Variants in MROH2B observed in about 807,000 individuals in gnomAD.
MROH2B encodes the protein maestro heat-like repeat-containing protein family member 2B.
Under a neutral mutation model 208.6 loss-of-function variants are expected in MROH2B, and 177 were observed. The ratio of observed to expected loss-of-function variants is 0.85; its 90% CI spans 0.75 to 0.96. The LOEUF (loss-of-function observed/expected upper bound fraction) is 0.96. MROH2B is among the 40% of genes least tolerant of loss of function. The pLI is 0.00. For missense variants in MROH2B, 2,002 were observed against 1,878.7 expected (o/e 1.07, Z -1.21); for synonymous variants, 728 against 659.0 (o/e 1.10, Z -1.60).
intron 19 of MROH2B, among the ~76,000 whole-genome samples, chr5:41,039,861 A>G (rs768620324): frequency 2.0e-5 from 3 of 152,232 alleles, no homozygotes; most frequent in Non-Finnish European, 2.9e-5. Context: ...GGAAGTTTGC[A>G]TTATTAAAAT....
At position 41,055,817 on chromosome 5, in the gene MROH2B, C is replaced by A; in HGVS notation, c.958G>T (p.Glu320Ter). Residue 320 changes from glutamate (E) to a stop codon, truncating the protein, a stop_gained, in exon 10 of 42, where the codon GAA (glutamate) becomes TAA (stop). Coordinates refer to ENST00000399564, the MANE Select transcript of MROH2B (RefSeq NM_173489.5). LOFTEE classifies it high-confidence loss of function. ...GCTTCATTATTACTTCTTACTTGTT[C>A]ATCAAAAAATTCCATCAGCTCTCCA... ...NPGELMEFFD[E>*]QVRSNNEAIR... is the part of the protein sequence containing the mutation. 2 of 1,613,792 alleles carry A rather than the reference C, an allele frequency of 1.2e-6. No individual in the cohort carries two copies. Among genetic ancestry groups the A allele is most frequent in the South Asian group, 2.2e-5 (2 of 91,034 alleles).
chr5:41,060,769 A>T (rs190525068), intron 6 of MROH2B, among the ~76,000 whole-genome samples: 1 of 152,238 alleles, frequency 6.6e-6, no homozygotes, highest in Admixed American at 6.5e-5. Flanking sequence ...TTTGTTTTCC[A>T]GGTGTCTTGA....
rs770755820 is a variant in MROH2B at position 41,000,710 on chromosome 5, G to A, written c.4318C>T (p.His1440Tyr). 1.9e-6 allele frequency: 3 copies of A among 1,612,630 alleles called. No individual in the cohort carries two copies. The highest frequency in any genetic ancestry group is 1.1e-5 in the South Asian group (1 of 90,610). Residue 1440 changes from histidine (H) to tyrosine (Y), a missense_variant, in exon 38 of 42, where the codon CAC becomes TAC. Transcript: ENST00000399564. ...ATCTTGGGGTTGGGATCCCAAAGGT[G>A]CAGAAGGAATGAAATCAGGCTCTTT... ...IKKSLISFLL[H>Y]LWDPNPKIGV...
At chr5:41,027,257 C>T (rs187884001) in intron 24 of MROH2B, among the ~76,000 whole-genome samples, 1 of 152,124 alleles carries the variant, frequency 6.6e-6, no homozygotes, top group African/African-American at 2.4e-5. Flanking sequence ...AGACAACCTA[C>T]AAAATGGGAG....
rs145817449 is a variant in MROH2B at position 41,019,205 on chromosome 5, T to C, written c.2442-187A>G. ...GATGGGAACACAGAATCAGACTGCA[T>C]TGGTGAGCATACTCAATACGCCTCC... On this transcript the variant is annotated intron_variant, in intron 24 of 41. Transcript: ENST00000399564. Among the ~76,000 whole-genome samples, 254 of 152,254 alleles carry C rather than the reference T, an allele frequency of 1.7e-3. 4 individuals carry two copies. Among genetic ancestry groups the C allele is most frequent in the East Asian group, 3.5e-3 (18 of 5,188 alleles).
At position 41,000,456 on chromosome 5, in the gene MROH2B, G is replaced by A. The variant is rs1054470230; in HGVS notation, c.4351-105C>T. On this transcript the variant is annotated intron_variant, in intron 38 of 41. Transcript: ENST00000399564. ...GGGAAAGAAGCACTAAAAGTCAGTG[G>A]TGTGAATGGCTTTATAGTCATTGCT... The A allele has an allele frequency of 1.0e-5, 15 of 1,451,730 alleles. No homozygotes were observed. The South Asian group carries it at 1.7e-4, about 16-fold the overall frequency. 89.9% of individuals were successfully genotyped at this position (1,451,730 alleles called of 1,614,324 possible). A position where few individuals can be genotyped will look rare whatever the true frequency, so the allele number is the denominator to read the frequency against.
Position 41,008,707 on chromosome 5 carries a change from C to A in MROH2B, c.3507G>T (p.Leu1169=). The change falls in exon 33 of 42, where the codon CTG becomes CTT. Residue 1169 remains leucine, a synonymous_variant. Coordinates refer to ENST00000399564, the MANE Select transcript of MROH2B (RefSeq NM_173489.5). ...YPELFTLLLK[L]VSCTLGQKML... is the part of the protein sequence containing the mutation. ...TCTTCTGGCCCAGTGTGCAGCTAAC[C>A]AGCTTCAGGAGGAGAGTGAACAGCT... 6.2e-7 allele frequency: 1 copy of A among 1,613,720 alleles called. No homozygotes were observed. Among genetic ancestry groups the A allele is most frequent in the Non-Finnish European group, 8.5e-7 (1 of 1,179,696 alleles).
intron 6 of MROH2B, among the ~76,000 whole-genome samples, chr5:41,060,516 G>A (rs773469732): frequency 1.3e-5 from 2 of 151,990 alleles, no homozygotes; most frequent in African/African-American, 2.4e-5. Flanking sequence ...ACTCACTCAG[G>A]TGTTCATGCT....
chr5:41,044,400 C>T (rs574831352), intron 18 of MROH2B, among the ~76,000 whole-genome samples: 2 of 152,224 alleles, frequency 1.3e-5, no homozygotes, highest in African/African-American at 4.8e-5. Context: ...TTTTAAACCA[C>T]TAGGGGTAGT....
intron 29 of MROH2B, among the ~76,000 whole-genome samples, chr5:41,013,493 T>C (rs1741838861): frequency 6.6e-6 from 1 of 152,220 alleles, no homozygotes; most frequent in African/African-American, 2.4e-5. Context: ...GTAATGATTA[T>C]GAGTTTGTAG....
intron 3 of MROH2B, 150 bp from the exon 4 acceptor site, chr5:41,065,640 G>T (rs1743785715): frequency 3.3e-6 from 2 of 613,976 alleles, no homozygotes; most frequent in Non-Finnish European, 5.3e-6. Flanking sequence ...TGGTCACATG[G>T]TTCAACTGTG....
At chr5:41,018,250 T>C in intron 27 of MROH2B, 91 bp downstream of exon 27, 1 of 1,292,760 alleles carries the variant, frequency 7.7e-7, no homozygotes, top group Non-Finnish European at 1.1e-6. Flanking sequence ...AGATGCACGA[T>C]CCATCATGCA....
chr5:41,009,439 G>A, intron 31 of MROH2B, 33 bp from the exon 32 acceptor site: 2 of 1,609,374 alleles, frequency 1.2e-6, no homozygotes, highest in East Asian at 4.5e-5. Flanking sequence ...TGGTAGATAA[G>A]GCACAACCCC....
chr5:41,031,479 T>C (rs1742567142), intron 24 of MROH2B, among the ~76,000 whole-genome samples: 1 of 152,054 alleles, frequency 6.6e-6, no homozygotes, highest in Non-Finnish European at 1.5e-5. Context: ...ATCAAGGAAA[T>C]AGACCAAAAT....
intron 24 of MROH2B, among the ~76,000 whole-genome samples, chr5:41,020,686 T>C (rs1385562608): frequency 2.0e-5 from 3 of 152,232 alleles, no homozygotes; most frequent in Non-Finnish European, 2.9e-5. Context: ...GTATTATTTA[T>C]AGTTTTTAAA....
intron 21 of MROH2B, among the ~76,000 whole-genome samples, chr5:41,038,088 C>G (rs1742820601): frequency 6.6e-6 from 1 of 152,120 alleles, no homozygotes; most frequent in African/African-American, 2.4e-5. Flanking sequence ...GAGGGGGAAA[C>G]AGTGCAACAC....
rs752184835 is a variant in MROH2B, at chr5:41,045,707, AG to A, written c.1836+38del. 5.4e-6 allele frequency: 8 copies of A among 1,482,758 alleles called. No homozygotes were observed. In the South Asian group the frequency reaches 5.7e-5, roughly 10 times the overall value. 91.9% of individuals were successfully genotyped at this position (1,482,758 alleles called of 1,614,324 possible). A position where few individuals can be genotyped will look rare whatever the true frequency, so the allele number is the denominator to read the frequency against. On this transcript the variant is annotated intron_variant, in intron 18 of 41. Coordinates refer to ENST00000399564, the MANE Select transcript of MROH2B (RefSeq NM_173489.5). ...AGCTAGAGCAGCCATTTTGGATCAT[AG>A]GTAAAAGCTAAGGTTTCCCCTCAGC...
chr5:40,999,571 AG>A, intron 40 of MROH2B, 105 bp downstream of exon 40: 1 of 799,954 alleles, frequency 1.3e-6, no homozygotes, highest in Non-Finnish European at 1.9e-6. Flanking sequence ...TTAATAAAAA[AG>A]TTATACCAGT....
intron 18 of MROH2B, among the ~76,000 whole-genome samples, chr5:41,042,959 T>C (rs943433407): frequency 1.3e-5 from 2 of 152,172 alleles, no homozygotes; most frequent in African/African-American, 4.8e-5. Context: ...CATTCCTAGC[T>C]ATATAGTAAC....
Sources: gnomAD v4.1 joint callset for allele counts (sites outside exome capture counted in the v4.1 genomes callset) on GRCh38, gnomAD v4.1.1 for gene constraint, MANE v1.5 for transcripts, NCBI Gene and HGNC (gene_info 2026-07-23, HGNC 2026-07-21) for gene names.